Variants in PCDHGA2 observed in about 807,000 individuals in gnomAD.
PCDHGA2 encodes protocadherin gamma-A2.
PCDHGA2 carries 40 observed loss-of-function variants against 59.2 expected under a neutral mutation model. That is an observed-to-expected ratio of 0.68 (90% CI 0.52 to 0.88). The LOEUF is 0.88. Among genes scored for constraint, PCDHGA2 ranks in the 40% least tolerant of loss-of-function variants. PCDHGA2 has a pLI of 0.00. For synonymous variants in PCDHGA2, 560 were observed against 526.0 expected, an observed-to-expected ratio of 1.06 and a Z score of -0.89; for missense variants, 1,226 against 1,204.0, an observed-to-expected ratio of 1.02 and a Z score of -0.27.
intron 1 of PCDHGA2, chr5:141,379,340 T>C (rs576770875): frequency 1.3e-5 from 2 of 152,350 alleles, no homozygotes; most frequent in South Asian, 4.1e-4. Flanking sequence ...TCTTCAAAGC[T>C]CATTTTCTTG....
At chr5:141,472,980 CAAAA>C (rs60579131) in intron 1 of PCDHGA2, among the ~76,000 whole-genome samples, 3 of 86,106 alleles carry the variant, frequency 3.5e-5, no homozygotes, top group Admixed American at 1.2e-4. Context: ...GAGTGAAACT[CAAAA>C]AAAAAAAAAA....
rs779598429 is a variant in PCDHGA2, at chr5:141,345,516, A to G, written c.2424+4121A>G. On this transcript the variant is annotated intron_variant, in intron 1 of 3. Coordinates refer to ENST00000394576, the MANE Select transcript of PCDHGA2 (RefSeq NM_018915.4). Reference sequence around the variant, plus strand: ...CATCACTTATGCATTGACCGAGGACACTCTCCAGGGGGCGCCCCTGTCCTC... The same window carrying G: ...CATCACTTATGCATTGACCGAGGACGCTCTCCAGGGGGCGCCCCTGTCCTC... The G allele has an allele frequency of 1.9e-6, 3 of 1,613,566 alleles. No individual in the cohort carries two copies. In the South Asian group the frequency reaches 3.3e-5, roughly 18 times the overall value.
rs2099621975 is a variant in PCDHGA2 at position 141,485,946 on chromosome 5, G to A, written c.2425-8861G>A. ...AGTGTGTTGGAGAGCGCACCAGCGG[G>A]CATGGTGCTCATCCAGCTCAATGCC... On this transcript the variant is annotated intron_variant, in intron 1 of 3. Transcript: ENST00000394576. This position sits in a 1 kb window ranked among gnomAD's most constrained non-coding sequence, Gnocchi z 5.7. The A allele has an allele frequency of 1.2e-6, 2 of 1,614,040 alleles. No homozygotes were observed. The highest frequency in any genetic ancestry group is 2.2e-5 in the East Asian group (1 of 44,884).
At chr5:141,441,005 C>T (rs772059231) in intron 1 of PCDHGA2, 1 of 152,116 alleles carries the variant, frequency 6.6e-6, no homozygotes, top group Non-Finnish European at 1.5e-5. Context: ...CTAGTTTGGC[C>T]TTGATCAAAT....
At position 141,443,088 on chromosome 5, in the gene PCDHGA2, T is replaced by C. The variant is rs188899890; in HGVS notation, c.2425-51719T>C. On this transcript the variant is annotated intron_variant, in intron 1 of 3. Transcript: ENST00000394576. ...CGTCTTATGACTGAGTGTTCCAGTC[T>C]CCTTCTCAAGCTGAACCTTGCTTTT... is the stretch of plus-strand genomic sequence containing the variant. 2.9e-3 allele frequency among the ~76,000 whole-genome samples: 446 copies of C among 152,092 alleles called. 1 individual carries two copies. Among genetic ancestry groups the C allele is most frequent in the Middle Eastern group, 0.014 (4 of 294 alleles).
rs758172962 is a variant in PCDHGA2, at chr5:141,364,474, A to G, written c.2424+23079A>G. 6.8e-6 allele frequency: 11 copies of G among 1,614,012 alleles called. 1 individual carries two copies. Among genetic ancestry groups the G allele is most frequent in the Middle Eastern group, 1.7e-4 (1 of 6,056 alleles). Reference sequence around the variant, plus strand: ...ACAAAGGCTCCTTCGTCGGCAACATAGCCAAGGACCTTGGGCTGGAGCCCC... The same window carrying G: ...ACAAAGGCTCCTTCGTCGGCAACATGGCCAAGGACCTTGGGCTGGAGCCCC... On this transcript the variant is annotated intron_variant, in intron 1 of 3. Transcript: ENST00000394576.
At chr5:141,494,445 A>G (rs1424475551) in intron 1 of PCDHGA2, among the ~76,000 whole-genome samples, 1 of 152,158 alleles carries the variant, frequency 6.6e-6, no homozygotes, top group East Asian at 1.9e-4. Flanking sequence ...TTGCCACTTT[A>G]GGGGGCTTTG....
chr5:141,431,607 A>G lies in PCDHGA2; in HGVS notation c.2425-63200A>G. ...GCGGAAGTGAGGTATTCCTTCCGGT[A>G]TGTGGACGACAAGGCGGCCCAAGTT... is the stretch of plus-strand genomic sequence containing the variant. On this transcript the variant is annotated intron_variant, in intron 1 of 3. Transcript: ENST00000394576. The surrounding 1 kb of genome is among the most constrained non-coding windows in gnomAD (Gnocchi z 4.8). 6.2e-7 allele frequency: 1 copy of G among 1,614,230 alleles called. No individual in the cohort carries two copies. Among genetic ancestry groups the G allele is most frequent in the Non-Finnish European group, 8.5e-7 (1 of 1,180,040 alleles).
intron 2 of PCDHGA2, among the ~76,000 whole-genome samples, chr5:141,500,359 C>T (rs2099799599): frequency 6.6e-6 from 1 of 152,032 alleles, no homozygotes; most frequent in Non-Finnish European, 1.5e-5. Flanking sequence ...CAGGCGCCCA[C>T]TACCACGCCC....
At chr5:141,341,424 T>C (rs780525673) in intron 1 of PCDHGA2, 29 bp downstream of exon 1, 11 of 1,612,294 alleles carry the variant, frequency 6.8e-6, no homozygotes, top group African/African-American at 1.3e-5. Context: ...ACATACGTAC[T>C]AGCTAGTTTG....
At chr5:141,414,812 T>C (rs1389980970) in intron 1 of PCDHGA2, 1 of 1,614,172 alleles carries the variant, frequency 6.2e-7, no homozygotes, top group South Asian at 1.1e-5. Flanking sequence ...GATCCTCCAC[T>C]CAGCAGCAAC....
chr5:141,453,560 G>A (rs1230229107), intron 1 of PCDHGA2, among the ~76,000 whole-genome samples: 3 of 151,968 alleles, frequency 2.0e-5, no homozygotes, highest in Admixed American at 6.6e-5. Flanking sequence ...GTAGATAATC[G>A]ATTTCATTAG....
At chr5:141,458,651 C>T (rs924873907) in intron 1 of PCDHGA2, among the ~76,000 whole-genome samples, 1 of 152,114 alleles carries the variant, frequency 6.6e-6, no homozygotes. Context: ...CTCACTGCAA[C>T]CTCCACCTCT....
chr5:141,425,015 A>G (rs1285592254), intron 1 of PCDHGA2, among the ~76,000 whole-genome samples: 2 of 152,190 alleles, frequency 1.3e-5, no homozygotes, highest in East Asian at 3.8e-4. Context: ...TCATTTAGGA[A>G]TTTACCTTAT....
Position 141,340,442 on chromosome 5 carries a change from T to C in PCDHGA2, c.1471T>C (p.Phe491Leu). ...SNDNAHVTYSFAEDTVQGAPL... is the reference protein window; with the variant it reads ...SNDNAHVTYSLAEDTVQGAPL... ...CGACAATGCTCATGTAACTTACTCT[T>C]TCGCGGAGGACACTGTTCAGGGGGC... The change falls in exon 1 of 4, where the codon TTC becomes CTC. Residue 491 changes from phenylalanine to leucine, a missense_variant. By Grantham distance (22) the Phe-to-Leu change is conservative (BLOSUM62 0). Coordinates refer to ENST00000394576, the MANE Select transcript of PCDHGA2 (RefSeq NM_018915.4). 6.2e-7 allele frequency: 1 copy of C among 1,614,188 alleles called. No individual in the cohort carries two copies. Among genetic ancestry groups the C allele is most frequent in the South Asian group, 1.1e-5 (1 of 91,086 alleles).
chr5:141,418,157 A>G, intron 1 of PCDHGA2: 1 of 1,614,074 alleles, frequency 6.2e-7, no homozygotes, highest in Non-Finnish European at 8.5e-7. Context: ...CAAAGAGAGA[A>G]GAAGATGTGA....
At chr5:141,408,205 G>A (rs1222360149) in intron 1 of PCDHGA2, 2 of 1,551,762 alleles carry the variant, frequency 1.3e-6, no homozygotes, top group Non-Finnish European at 1.7e-6. Context: ...AGCGAACGAT[G>A]GGAGGGAGCT....
Position 141,419,293 on chromosome 5 carries a change from C to A in PCDHGA2, c.2425-75514C>A, listed in dbSNP as rs748856660. 1.5e-5 allele frequency: 25 copies of A among 1,614,026 alleles called. No individual in the cohort carries two copies. The African/African-American group carries it at 3.2e-4, about 21-fold the overall frequency. Reference sequence around the variant, plus strand: ...CCATAGCGCAAGTCAGTGCCTCTGACCCAGACTTCGGGCTCAACGGCCGTG... The same window carrying A: ...CCATAGCGCAAGTCAGTGCCTCTGAACCAGACTTCGGGCTCAACGGCCGTG... On this transcript the variant is annotated intron_variant, in intron 1 of 3. Transcript: ENST00000394576.
At chr5:141,392,956 T>A (rs769377200) in intron 1 of PCDHGA2, 3 of 1,613,820 alleles carry the variant, frequency 1.9e-6, no homozygotes, top group South Asian at 1.1e-5. Context: ...GTGGGTAATA[T>A]CTCCAAGGAC....
Sources: allele counts gnomAD v4.1 joint callset (sites outside exome capture counted in the v4.1 genomes callset), GRCh38; gene constraint gnomAD v4.1.1; non-coding constraint Gnocchi (gnomAD v3.1); transcripts MANE v1.5; gene names NCBI Gene and HGNC (gene_info 2026-07-23, HGNC 2026-07-21).